WDR59: variants seen among roughly 807,000 people sequenced by gnomAD.
WDR59 encodes the protein GATOR2 complex protein WDR59.
In WDR59, 100 loss-of-function variants were observed where a neutral mutation model predicts 131.2. The observed-to-expected ratio is 0.76, with a 90% CI of 0.65 to 0.90. The LOEUF is 0.90. WDR59 is among the 40% of genes least tolerant of loss of function. The probability of loss-of-function intolerance (pLI) is 0.00; values close to 1 mark genes in which losing one functional copy is unlikely to be tolerated. For missense variants in WDR59, 1,203 were observed against 1,262.2 expected, an observed-to-expected ratio of 0.95 and a Z score of 0.71; for synonymous variants, 601 against 466.2, an observed-to-expected ratio of 1.29 and a Z score of -3.72.
At chr16:74,877,578 CTT>C (rs1338446317) in intron 25 of WDR59, among the ~76,000 whole-genome samples, 1 of 152,136 alleles carries the variant, frequency 6.6e-6, no homozygotes, top group Non-Finnish European at 1.5e-5. Flanking sequence ...AAGTCTCGCT[CTT>C]GTCACCCAGG....
chr16:74,893,669 T>C lies in WDR59; in HGVS notation c.2000+10A>G. On this transcript the variant is annotated intron_variant, in intron 19 of 25. Transcript: ENST00000262144. The stretch of plus-strand genomic sequence containing the variant: ...TGATGAGTGCAGCAGACTTGAAATT[T>C]TGTACTTACATGTACAGCTCTCCCA... The C allele has an allele frequency of 1.2e-6, 2 of 1,612,868 alleles. No individual in the cohort carries two copies. The highest frequency in any genetic ancestry group is 1.7e-6 in the Non-Finnish European group (2 of 1,179,110).
intron 7 of WDR59, among the ~76,000 whole-genome samples, chr16:74,939,958 C>G (rs1374233984): frequency 2.6e-5 from 4 of 152,138 alleles, no homozygotes; most frequent in African/African-American, 2.4e-5. Context: ...GCACTCCAAC[C>G]TGGGAGACAG....
intron 8 of WDR59, among the ~76,000 whole-genome samples, chr16:74,937,314 T>C (rs1243345589): frequency 6.6e-6 from 1 of 152,226 alleles, no homozygotes; most frequent in Non-Finnish European, 1.5e-5. Context: ...ACTCTATCCC[T>C]GAACTGTGAA....
intron 2 of WDR59, among the ~76,000 whole-genome samples, chr16:74,958,175 T>A (rs1036906308): frequency 2.0e-5 from 3 of 152,020 alleles, no homozygotes; most frequent in Admixed American, 6.6e-5. Context: ...AACATAGGTG[T>A]TTATCTTCAT....
intron 25 of WDR59, among the ~76,000 whole-genome samples, chr16:74,883,016 TTTGC>T (rs915768173): frequency 6.7e-6 from 1 of 148,884 alleles, no homozygotes; most frequent in Non-Finnish European, 1.5e-5. Context: ...TTTTTTGTTT[TTTGC>T]TTTTTTTTTT....
chr16:74,960,168 A>G lies in WDR59; in HGVS notation c.105-3558T>C, dbSNP rs144030319. ...AAAACGGTGAAACCCCGTTTCTACT[A>G]AAATACAAAAAAGTTAGCTGGGCAT... On this transcript the variant is annotated intron_variant, in intron 2 of 25. Coordinates refer to ENST00000262144, the MANE Select transcript of WDR59 (RefSeq NM_030581.4). 1.5e-4 allele frequency among the ~76,000 whole-genome samples: 23 copies of G among 152,022 alleles called. No individual in the cohort carries two copies. In the East Asian group the frequency reaches 4.5e-3, roughly 29 times the overall value.
At chr16:74,983,735 G>A (rs2034515623) in intron 1 of WDR59, among the ~76,000 whole-genome samples, 1 of 152,012 alleles carries the variant, frequency 6.6e-6, no homozygotes, top group East Asian at 1.9e-4. Context: ...CAACACTTTG[G>A]GACGCTGAGG....
chr16:74,967,371 AT>A (rs1169251682), intron 1 of WDR59, among the ~76,000 whole-genome samples: 2 of 152,180 alleles, frequency 1.3e-5, no homozygotes, highest in African/African-American at 4.8e-5. Context: ...GGAGGGCAAG[AT>A]GGTTCCTCTA....
Position 74,915,915 on chromosome 16 carries a change from C to G in WDR59, c.1179G>C (p.Gln393His), listed in dbSNP as rs959188411. Residue 393 changes from glutamine (Q) to histidine (H), a missense_variant, in exon 13 of 26, where the codon CAG becomes CAC. By Grantham distance (24) the Gln-to-His change is conservative. Coordinates refer to ENST00000262144, the MANE Select transcript of WDR59 (RefSeq NM_030581.4). ...TTTGCACATTGATCAGGGAGAATTC[C>G]TGCTGCAAGGTCTGAGGCAGCCCCA... ...DQLGLPQTLQ[Q>H]EFSLINVQIR... is the part of the protein sequence containing the mutation. 1 of 1,614,214 alleles carries G rather than the reference C, an allele frequency of 6.2e-7. No individual in the cohort carries two copies. The highest frequency in any genetic ancestry group is 1.3e-5 in the African/African-American group (1 of 75,060).
At position 74,980,521 on chromosome 16, in the gene WDR59, T is replaced by A. The variant is rs112744649; in HGVS notation, c.54+4443A>T. Among the ~76,000 whole-genome samples, 1,479 of 151,864 alleles carry A rather than the reference T, an allele frequency of 9.7e-3. 15 individuals are homozygous for A. Among genetic ancestry groups the A allele is most frequent in the African/African-American group, 0.034 (1,427 of 41,440 alleles). On this transcript the variant is annotated intron_variant, in intron 1 of 25. Transcript: ENST00000262144. ...GGCACACGCCACCATGCCTGGCTAA[T>A]TTTTGTATTTTTAGTAGAGATGGGG...
chr16:74,917,519 G>A (rs574864663), intron 11 of WDR59, among the ~76,000 whole-genome samples: 86 of 152,242 alleles, frequency 5.6e-4, no homozygotes, highest in African/African-American at 1.9e-3. Flanking sequence ...TGTATTAAAT[G>A]TCTATCCTGC....
chr16:74,906,409 G>C (rs1430322787), intron 17 of WDR59, among the ~76,000 whole-genome samples: 1 of 151,188 alleles, frequency 6.6e-6, no homozygotes, highest in Non-Finnish European at 1.5e-5. Context: ...AGTGGATACA[G>C]AGCAACCAGT....
chr16:74,967,717 G>A (rs2033829229), intron 1 of WDR59, among the ~76,000 whole-genome samples: 1 of 151,972 alleles, frequency 6.6e-6, no homozygotes, highest in African/African-American at 2.4e-5. Flanking sequence ...AAATTAGCCG[G>A]GCATGGTGGC....
At chr16:74,899,582 GA>G in intron 18 of WDR59, 3 of 867,272 alleles carry the variant, frequency 3.5e-6, no homozygotes, top group Non-Finnish European at 4.8e-6. Context: ...TGCTGGTCCT[GA>G]AAACAGCTCG....
intron 1 of WDR59, among the ~76,000 whole-genome samples, chr16:74,972,495 C>G (rs1041938608): frequency 2.0e-5 from 3 of 152,062 alleles, no homozygotes; most frequent in African/African-American, 7.2e-5. Flanking sequence ...TAGCCTGGTG[C>G]AGCAGAAACG....
intron 6 of WDR59, among the ~76,000 whole-genome samples, 158 bp downstream of exon 6, chr16:74,948,361 A>G (rs1258685116): frequency 2.0e-5 from 3 of 152,200 alleles, no homozygotes; most frequent in Non-Finnish European, 4.4e-5. Context: ...CCTTGCAACA[A>G]CATGAGACTT....
chr16:74,880,710 A>G (rs761558257), intron 25 of WDR59, among the ~76,000 whole-genome samples: 14 of 152,216 alleles, frequency 9.2e-5, no homozygotes, highest in Admixed American at 6.5e-4. Context: ...GGTGAAATGA[A>G]TCATTCTTGG....
intron 1 of WDR59, among the ~76,000 whole-genome samples, chr16:74,972,715 G>A (rs930878469): frequency 6.7e-6 from 1 of 149,564 alleles, no homozygotes; most frequent in Non-Finnish European, 1.5e-5. Context: ...CAGCTACTCA[G>A]GAGGCTGAGG....
At chr16:74,904,687 G>A (rs1446315250) in intron 17 of WDR59, among the ~76,000 whole-genome samples, 1 of 152,162 alleles carries the variant, frequency 6.6e-6, no homozygotes, top group Non-Finnish European at 1.5e-5. Context: ...TAATTTTATT[G>A]AAAGACCTAG....
Sources: allele counts gnomAD v4.1 joint callset (sites outside exome capture counted in the v4.1 genomes callset), GRCh38; gene constraint gnomAD v4.1.1; transcripts MANE v1.5; gene names NCBI Gene and HGNC (gene_info 2026-07-23, HGNC 2026-07-21).